GRM5: variants seen among roughly 807,000 people sequenced by gnomAD.
The protein encoded by GRM5 is glutamate metabotropic receptor 5.
A neutral mutation model predicts 83.1 loss-of-function variants in GRM5; 19 were observed. The ratio of observed to expected loss-of-function variants is 0.23; its 90% confidence interval spans 0.16 to 0.34. The LOEUF (loss-of-function observed/expected upper bound fraction) is 0.34. GRM5 is among the 10% of genes least tolerant of loss of function. The pLI, the probability that GRM5 is intolerant of heterozygous loss-of-function variation, is 1.00. For synonymous variants in GRM5, 675 were observed against 633.6 expected, an observed-to-expected ratio of 1.07 and a Z score of -0.98; for missense variants, 1,160 against 1,588.3, an observed-to-expected ratio of 0.73 and a Z score of 4.58.
rs72379871 is a variant in GRM5, at chr11:89,048,075, G to GAA, written c.-200-5_-200-4dup. The GAA allele has an allele frequency of 4.3e-3, 1,762 of 409,666 alleles. 1 individual carries two copies. The highest frequency in any genetic ancestry group is 0.02 in the East Asian group (516 of 25,510). 25.4% of individuals were successfully genotyped at this position (409,666 alleles called of 1,614,324 possible). ...CATGTGGTCATGATCTTCTAAACCT[G>GAA]AAAAAAAAAAAATAACATGGGTCTT... On this transcript the variant is annotated splice_polypyrimidine_tract_variant and splice_region_variant and intron_variant, in intron 1 of 9. Transcript: ENST00000305447.
At chr11:88,568,526 G>A (rs552967727) in intron 7 of GRM5, among the ~76,000 whole-genome samples, 111 of 152,294 alleles carry the variant, frequency 7.3e-4, no homozygotes, top group African/African-American at 2.6e-3. Flanking sequence ...AGGTAGGGAG[G>A]AAGGGGATCT....
chr11:88,984,666 A>G (rs60281178), intron 2 of GRM5: 7,181 of 494,808 alleles, frequency 0.015, 349 homozygotes, highest in African/African-American at 0.12. Flanking sequence ...TTAAACTTGT[A>G]AGACCTATAT....
intron 3 of GRM5, among the ~76,000 whole-genome samples, chr11:88,728,376 T>A (rs7951488): frequency 0.94 from 143,280 of 152,132 alleles, 67,722 homozygotes; most frequent in South Asian, 0.99. Context: ...AATTGAGGCC[T>A]TAATTAATAG....
Position 88,719,671 on chromosome 11 carries a change from C to T in GRM5, c.912-66268G>A, listed in dbSNP as rs113294449. On this transcript the variant is annotated intron_variant, in intron 3 of 9. Coordinates refer to ENST00000305447, the MANE Select transcript of GRM5 (RefSeq NM_001143831.3). ...CCACAAGGGCTGAACTAATAATTTACACTCCCACCAACAGTGTATAAGGGT... is the reference window on the plus strand; with the variant it reads ...CCACAAGGGCTGAACTAATAATTTATACTCCCACCAACAGTGTATAAGGGT... Among the ~76,000 whole-genome samples the T allele has an allele frequency of 4.3e-3, 657 of 152,104 alleles. 3 individuals are homozygous for T. The highest frequency in any genetic ancestry group is 0.015 in the African/African-American group (626 of 41,506).
At position 88,509,300 on chromosome 11, in the gene GRM5, C is replaced by A. The variant is rs201317984; in HGVS notation, c.2931G>T (p.Thr977=). The part of the protein sequence containing the change: ...AGGSAGGVGA[T]GGAGCAGAGP... ...CGGCGCCTGCGCAGCCCGCACCGCC[C>A]GTGGCCCCCACGCCCCCAGCGCTCC... is the stretch of plus-strand genomic sequence containing the variant. Residue 977 remains threonine, a synonymous_variant, in exon 10 of 10, where the codon ACG becomes ACT. Transcript: ENST00000305447. 458 of 1,537,456 alleles carry A rather than the reference C, an allele frequency of 3.0e-4. 2 individuals are homozygous for A. The African/African-American group carries it at 5.3e-3, about 18-fold the overall frequency.
rs1254376642 is a variant in GRM5 at position 88,842,207 on chromosome 11, A to T, written c.911+7699T>A. Among the ~76,000 whole-genome samples the T allele has an allele frequency of 5.9e-5, 9 of 152,214 alleles. No homozygotes were observed. In the South Asian group the frequency reaches 6.2e-4, roughly 11 times the overall value. The stretch of plus-strand genomic sequence containing the variant: ...TTATCACACATATTTTCTTATTTTT[A>T]AAAAAATATTCCTAGTCAACATGGT... On this transcript the variant is annotated intron_variant, in intron 3 of 9. Coordinates refer to ENST00000305447, the MANE Select transcript of GRM5 (RefSeq NM_001143831.3).
intron 9 of GRM5, among the ~76,000 whole-genome samples, chr11:88,522,401 T>G (rs968457647): frequency 2.6e-4 from 40 of 152,178 alleles, no homozygotes; most frequent in African/African-American, 9.7e-4. Flanking sequence ...TTAAACTTAT[T>G]TCTCCTGGAT....
At chr11:88,850,851 C>A (rs1944377672) in intron 2 of GRM5, among the ~76,000 whole-genome samples, 1 of 145,118 alleles carries the variant, frequency 6.9e-6, no homozygotes, top group Admixed American at 7.0e-5. Flanking sequence ...GGACTAAGGA[C>A]AAATGTTAGT....
chr11:88,621,863 G>T (rs199748235), intron 4 of GRM5, among the ~76,000 whole-genome samples: 5 of 152,050 alleles, frequency 3.3e-5, no homozygotes, highest in African/African-American at 9.7e-5. Context: ...AACCTACAAA[G>T]AATTGAACCA....
intron 3 of GRM5, among the ~76,000 whole-genome samples, chr11:88,752,524 T>C (rs921148901): frequency 1.3e-5 from 2 of 152,252 alleles, no homozygotes; most frequent in East Asian, 3.8e-4. Context: ...ATGGCCATAC[T>C]GCCCAAAGTA....
chr11:88,708,893 G>A (rs1260340712), intron 3 of GRM5, among the ~76,000 whole-genome samples: 1 of 152,028 alleles, frequency 6.6e-6, no homozygotes, highest in African/African-American at 2.4e-5. Flanking sequence ...CAGACATTGT[G>A]GTAGGAACTA....
intron 5 of GRM5, among the ~76,000 whole-genome samples, chr11:88,597,744 ATCTT>A (rs1937856911): frequency 6.6e-6 from 1 of 152,120 alleles, no homozygotes; most frequent in African/African-American, 2.4e-5. Flanking sequence ...AATTTGGTAA[ATCTT>A]TCATCTTATT....
chr11:88,923,999 T>G (rs1024635033), intron 2 of GRM5, among the ~76,000 whole-genome samples: 1 of 151,500 alleles, frequency 6.6e-6, no homozygotes, highest in African/African-American at 2.4e-5. Context: ...AAGGTCTGAA[T>G]AGACGTTTTT....
At chr11:88,602,888 AT>A (rs909684635) in intron 5 of GRM5, among the ~76,000 whole-genome samples, 1 of 151,990 alleles carries the variant, frequency 6.6e-6, no homozygotes, top group East Asian at 1.9e-4. Context: ...GCTAGTTATA[AT>A]TTTTTTTGTA....
chr11:88,992,908 C>G (rs1029381169), intron 2 of GRM5, among the ~76,000 whole-genome samples: 1 of 151,332 alleles, frequency 6.6e-6, no homozygotes, highest in East Asian at 1.9e-4. Context: ...GAAGATATAC[C>G]GAATGTAAAT....
intron 2 of GRM5, among the ~76,000 whole-genome samples, chr11:88,916,208 A>G (rs1261358224): frequency 6.6e-6 from 1 of 152,138 alleles, no homozygotes. Context: ...AAATCAAGCT[A>G]GCAATTACAG....
In GRM5 at chr11:88,868,187, G is replaced by A. The variant is rs149438652; in HGVS notation, c.662-18032C>T. Among the ~76,000 whole-genome samples, 371 of 151,918 alleles carry A rather than the reference G, an allele frequency of 2.4e-3. 1 individual carries two copies. The highest frequency in any genetic ancestry group is 0.02 in the Middle Eastern group (6 of 294). ...CAGGATAGACACTCAACAAAATTTA[G>A]TTTCTGTCTTAGCTCTCATAATTTC... is the stretch of plus-strand genomic sequence containing the variant. On this transcript the variant is annotated intron_variant, in intron 2 of 9. Transcript: ENST00000305447.
chr11:88,937,699 T>C (rs1250301616), intron 2 of GRM5, among the ~76,000 whole-genome samples: 2 of 151,580 alleles, frequency 1.3e-5, no homozygotes, highest in African/African-American at 4.8e-5. Context: ...GTAGAGGATC[T>C]TTTATTTTAT....
At chr11:89,001,270 G>C (rs761212030) in intron 2 of GRM5, among the ~76,000 whole-genome samples, 25 of 152,134 alleles carry the variant, frequency 1.6e-4, no homozygotes, top group Middle Eastern at 6.8e-3. Flanking sequence ...AAAAGTGCTA[G>C]AATGTTCACA....
Sources: allele counts gnomAD v4.1 joint callset (sites outside exome capture counted in the v4.1 genomes callset), GRCh38; gene constraint gnomAD v4.1.1; transcripts MANE v1.5; gene names NCBI Gene and HGNC (gene_info 2026-07-23, HGNC 2026-07-21).